The following GALNT13 variants were observed in gnomAD, a reference collection of about 807,000 sequenced individuals.
GALNT13 encodes the protein polypeptide N-acetylgalactosaminyltransferase 13.
In GALNT13, 28 loss-of-function variants were observed where a neutral mutation model predicts 64.2. The observed-to-expected ratio is 0.44, with a 90% CI of 0.32 to 0.60. The LOEUF (loss-of-function observed/expected upper bound fraction) is 0.60. Ranked by LOEUF, GALNT13 falls within the 20% of genes least tolerant of loss-of-function variation. The pLI is 0.05. For synonymous variants in GALNT13, 214 were observed against 224.6 expected (o/e 0.95, Z 0.42); for missense variants, 577 against 669.8 (o/e 0.86, Z 1.53).
the GALNT13 span, among the ~76,000 whole-genome samples, chr2:153,766,504 G>A: frequency 6.6e-6 from 1 of 151,992 alleles, no homozygotes. Flanking sequence ...GCATGGATTA[G>A]GCCTCTTGAT....
At chr2:154,055,520 T>C (rs1025167314) in intron 3 of GALNT13, among the ~76,000 whole-genome samples, 6 of 152,060 alleles carry the variant, frequency 3.9e-5, no homozygotes, top group Non-Finnish European at 7.4e-5. Flanking sequence ...CAGGTAATTA[T>C]AAGATTGCAC....
chr2:153,200,818 G>C, the GALNT13 span, among the ~76,000 whole-genome samples: 1 of 152,192 alleles, frequency 6.6e-6, no homozygotes. Flanking sequence ...TCATAGGAGG[G>C]AAAGATCAGC....
At chr2:154,173,053 C>T (rs923781941) in intron 4 of GALNT13, among the ~76,000 whole-genome samples, 10 of 152,026 alleles carry the variant, frequency 6.6e-5, no homozygotes, top group African/African-American at 2.4e-4. Context: ...AAGCTATAGG[C>T]ATCACATTAC....
chr2:154,059,427 A>G (rs750795471), intron 3 of GALNT13, among the ~76,000 whole-genome samples: 46 of 152,220 alleles, frequency 3.0e-4, no homozygotes, highest in Non-Finnish European at 5.6e-4. Context: ...TACAATATAA[A>G]GGCTTGATCA....
At chr2:153,532,549 C>A in the GALNT13 span, among the ~76,000 whole-genome samples, 27 of 152,308 alleles carry the variant, frequency 1.8e-4, no homozygotes, top group African/African-American at 6.0e-4. Flanking sequence ...ATGCAAATTT[C>A]TGCAGCATAC....
intron 2 of GALNT13, among the ~76,000 whole-genome samples, chr2:153,916,774 C>G (rs1574108201): frequency 1.5e-5 from 2 of 129,090 alleles, no homozygotes; most frequent in Non-Finnish European, 3.7e-5. Context: ...ATGACTAATA[C>G]AGATTGATAG....
At chr2:153,280,116 A>G in the GALNT13 span, among the ~76,000 whole-genome samples, 1 of 152,172 alleles carries the variant, frequency 6.6e-6, no homozygotes, top group South Asian at 2.1e-4. Context: ...GTTTCTAGGA[A>G]TGTATCCATT....
At chr2:154,317,891 A>T (rs1204433287) in intron 9 of GALNT13, among the ~76,000 whole-genome samples, 1 of 152,030 alleles carries the variant, frequency 6.6e-6, no homozygotes, top group Non-Finnish European at 1.5e-5. Flanking sequence ...ATTGAACAGG[A>T]CATAGACTCT....
chr2:153,952,980 T>A (rs529599516), intron 3 of GALNT13, among the ~76,000 whole-genome samples: 1 of 152,194 alleles, frequency 6.6e-6, no homozygotes, highest in South Asian at 2.1e-4. Context: ...TGCCTGCTTT[T>A]ATCCTAACCA....
At chr2:154,435,996 CTTTTTTATTA>C (rs1700950330) in intron 11 of GALNT13, 1 of 152,048 alleles carries the variant, frequency 6.6e-6, no homozygotes, top group African/African-American at 2.4e-5. Flanking sequence ...CATGCACTGA[CTTTTTTATTA>C]TTATGAAGAG....
the GALNT13 span, among the ~76,000 whole-genome samples, chr2:153,430,767 G>A: frequency 1.3e-5 from 2 of 151,722 alleles, no homozygotes; most frequent in Non-Finnish European, 2.9e-5. Context: ...ATTTTATAAA[G>A]GAAATAAATT....
chr2:153,532,332 A>T, the GALNT13 span, among the ~76,000 whole-genome samples: 1 of 152,066 alleles, frequency 6.6e-6, no homozygotes, highest in Non-Finnish European at 1.5e-5. Flanking sequence ...TTTTTGAGCC[A>T]CGGCTAGAGC....
chr2:153,642,997 A>G, the GALNT13 span, among the ~76,000 whole-genome samples: 1 of 151,614 alleles, frequency 6.6e-6, no homozygotes, highest in East Asian at 1.9e-4. Context: ...AATCATTATA[A>G]TTGACTAGTT....
At chr2:153,279,372 G>A in the GALNT13 span, among the ~76,000 whole-genome samples, 3 of 151,980 alleles carry the variant, frequency 2.0e-5, no homozygotes, top group Non-Finnish European at 2.9e-5. Flanking sequence ...TGACTGCTCT[G>A]GCTAGGACTT....
chr2:154,308,758 A>C (rs1168947067), intron 9 of GALNT13, among the ~76,000 whole-genome samples: 2 of 152,096 alleles, frequency 1.3e-5, no homozygotes, highest in African/African-American at 4.8e-5. Flanking sequence ...GAAAATTCTA[A>C]ATTATTTTAA....
the GALNT13 span, among the ~76,000 whole-genome samples, chr2:153,235,054 G>A: frequency 2.0e-5 from 3 of 152,072 alleles, no homozygotes; most frequent in African/African-American, 7.2e-5. Context: ...ATAATTGCTT[G>A]GAGCACCATG....
At chr2:153,630,779 A>T in the GALNT13 span, among the ~76,000 whole-genome samples, 14 of 9,168 alleles carry the variant, frequency 1.5e-3, no homozygotes, top group South Asian at 7.8e-3. Context: ...ATATATATAT[A>T]TATATATATA....
downstream of GALNT13, among the ~76,000 whole-genome samples, chr2:154,456,191 TTTG>T (rs70983725): frequency 2.1e-5 from 3 of 146,296 alleles, no homozygotes; most frequent in South Asian, 2.2e-4. Context: ...TTTGTTTTGT[TTTG>T]TTGTTGTTGT....
chr2:153,595,656 T>A, the GALNT13 span, among the ~76,000 whole-genome samples: 2 of 152,096 alleles, frequency 1.3e-5, no homozygotes, highest in Non-Finnish European at 2.9e-5. Context: ...CAAAATGAGC[T>A]AGATGCTTTA....
Sources: gnomAD v4.1 joint callset for allele counts (sites outside exome capture counted in the v4.1 genomes callset) on GRCh38, gnomAD v4.1.1 for gene constraint, MANE v1.5 for transcripts, NCBI Gene and HGNC (gene_info 2026-07-23, HGNC 2026-07-21) for gene names.